The following CCNY variants were observed in gnomAD, a reference collection of about 807,000 sequenced individuals.
The protein encoded by CCNY is cyclin Y.
CCNY carries 19 observed loss-of-function variants against 42.8 expected under a neutral mutation model. The ratio of observed to expected loss-of-function variants is 0.44; its 90% CI spans 0.31 to 0.65. CCNY has a LOEUF of 0.65. Ranked by LOEUF, CCNY falls within the 30% of genes least tolerant of loss-of-function variation. The pLI is 0.07. For missense variants in CCNY, 370 were observed against 437.3 expected, an observed-to-expected ratio of 0.85 and a Z score of 1.37; for synonymous variants, 165 against 162.7, an observed-to-expected ratio of 1.01 and a Z score of -0.11.
chr10:35,354,927 CTTTA>C (rs1836512003), intron 1 of CCNY, among the ~76,000 whole-genome samples: 1 of 152,090 alleles, frequency 6.6e-6, no homozygotes, highest in Non-Finnish European at 1.5e-5. Flanking sequence ...TTCTTTTAAT[CTTTA>C]TTCTTTATAA....
At chr10:35,517,016 A>AT (rs539264569) in intron 4 of CCNY, among the ~76,000 whole-genome samples, 6 of 152,260 alleles carry the variant, frequency 3.9e-5, no homozygotes, top group Non-Finnish European at 8.8e-5. Context: ...TCTAAATAAA[A>AT]TGAGACTCCT....
At chr10:35,427,967 G>A (rs1283739724) in intron 1 of CCNY, among the ~76,000 whole-genome samples, 1 of 152,134 alleles carries the variant, frequency 6.6e-6, no homozygotes, top group Non-Finnish European at 1.5e-5. Context: ...CTTCTGTTAA[G>A]TACCAGCTAT....
chr10:35,247,335 T>C (rs2095708692), intron 1 of CCNY, among the ~76,000 whole-genome samples: 1 of 152,132 alleles, frequency 6.6e-6, no homozygotes, highest in Non-Finnish European at 1.5e-5. Context: ...GGCTCATGCA[T>C]GTAATCCCAG....
intron 3 of CCNY, among the ~76,000 whole-genome samples, chr10:35,303,080 T>C (rs1835557153): frequency 6.6e-6 from 1 of 152,048 alleles, no homozygotes; most frequent in South Asian, 2.1e-4. Context: ...TCTCAGCTAT[T>C]TGGGAGGCTG....
intron 1 of CCNY, among the ~76,000 whole-genome samples, chr10:35,457,859 C>T (rs1348871972): frequency 6.6e-6 from 1 of 152,180 alleles, no homozygotes; most frequent in East Asian, 1.9e-4. Flanking sequence ...GGATTACAGG[C>T]GTGAGCCACC....
chr10:35,495,569 G>C (rs899497626), intron 2 of CCNY, among the ~76,000 whole-genome samples: 1 of 152,140 alleles, frequency 6.6e-6, no homozygotes, highest in Non-Finnish European at 1.5e-5. Context: ...TGCTTATTTA[G>C]ATTTCACTTT....
intron 3 of CCNY, chr10:35,289,532 T>C (rs1028435479): frequency 4.6e-5 from 7 of 152,208 alleles, no homozygotes; most frequent in African/African-American, 1.4e-4. Flanking sequence ...ATAACTTTTA[T>C]CAGGTCTCAA....
At chr10:35,312,248 G>A (rs1429519587) in intron 3 of CCNY, among the ~76,000 whole-genome samples, 1 of 151,766 alleles carries the variant, frequency 6.6e-6, no homozygotes, top group East Asian at 1.9e-4. Flanking sequence ...GGGTGTGGTG[G>A]TGGGCACCTG....
At chr10:35,529,914 T>A in intron 5 of CCNY, 59 bp from the exon 6 acceptor site, 4 of 1,465,292 alleles carry the variant, frequency 2.7e-6, no homozygotes, top group Non-Finnish European at 3.8e-6. Flanking sequence ...TATTTTTGTT[T>A]TATTTGAATG....
intron 1 of CCNY, among the ~76,000 whole-genome samples, chr10:35,337,814 T>A (rs902646923): frequency 1.3e-5 from 2 of 152,120 alleles, no homozygotes; most frequent in Non-Finnish European, 2.9e-5. Context: ...TTTAAAAGAT[T>A]GTCAGACACC....
intron 8 of CCNY, among the ~76,000 whole-genome samples, chr10:35,563,103 A>G (rs1439508192): frequency 1.3e-5 from 2 of 152,146 alleles, no homozygotes; most frequent in Non-Finnish European, 1.5e-5. Flanking sequence ...TTTTCTGATA[A>G]TTTATCACAT....
intron 1 of CCNY, among the ~76,000 whole-genome samples, chr10:35,447,189 A>G (rs1838811439): frequency 6.6e-6 from 1 of 152,244 alleles, no homozygotes; most frequent in Non-Finnish European, 1.5e-5. Flanking sequence ...AGGCAGGAGA[A>G]TGGCGTGAAC....
chr10:35,447,731 G>T (rs1838823979), intron 1 of CCNY, among the ~76,000 whole-genome samples: 1 of 152,146 alleles, frequency 6.6e-6, no homozygotes, highest in Non-Finnish European at 1.5e-5. Flanking sequence ...CTGACACTTT[G>T]GGGAGTTTCT....
chr10:35,543,230 G>A (rs945535635), intron 7 of CCNY, among the ~76,000 whole-genome samples: 12 of 152,196 alleles, frequency 7.9e-5, no homozygotes, highest in African/African-American at 2.4e-4. Context: ...AGGACTCACA[G>A]GACCCAGCAT....
intron 3 of CCNY, among the ~76,000 whole-genome samples, chr10:35,330,428 CAT>C (rs1342773416): frequency 1.3e-5 from 2 of 152,168 alleles, no homozygotes; most frequent in African/African-American, 2.4e-5. Flanking sequence ...GCCAAGTACA[CAT>C]GATAGCCCCA....
intron 1 of CCNY, among the ~76,000 whole-genome samples, chr10:35,453,127 G>A (rs1322661442): frequency 6.6e-6 from 1 of 152,108 alleles, no homozygotes; most frequent in Non-Finnish European, 1.5e-5. Context: ...CATAGAGATA[G>A]GGTCTTGCTT....
At chr10:35,313,453 C>T (rs545667724) in intron 3 of CCNY, among the ~76,000 whole-genome samples, 5 of 152,166 alleles carry the variant, frequency 3.3e-5, no homozygotes, top group Non-Finnish European at 5.9e-5. Flanking sequence ...GTCACTTCCC[C>T]GAGTTTGCGT....
intron 1 of CCNY, among the ~76,000 whole-genome samples, chr10:35,441,921 A>T (rs1454449015): frequency 2.0e-5 from 3 of 152,262 alleles, no homozygotes; most frequent in Non-Finnish European, 2.9e-5. Context: ...ATTTGGCTGT[A>T]TGATTTAAAA....
intron 1 of CCNY, among the ~76,000 whole-genome samples, chr10:35,461,416 A>C (rs1217703338): frequency 6.6e-6 from 1 of 152,222 alleles, no homozygotes. Flanking sequence ...TGGCTAAATC[A>C]GTCTGACAGG....
Sources: gnomAD v4.1 joint callset for allele counts (sites outside exome capture counted in the v4.1 genomes callset) on GRCh38, gnomAD v4.1.1 for gene constraint, MANE v1.5 for transcripts, NCBI Gene and HGNC (gene_info 2026-07-23, HGNC 2026-07-21) for gene names.